STK3: variants seen among roughly 807,000 people sequenced by gnomAD.
STK3 encodes serine/threonine kinase 3.
Under a neutral mutation model 58.0 loss-of-function variants are expected in STK3, and 41 were observed. The observed-to-expected ratio is 0.71, with a 90% confidence interval of 0.55 to 0.92. The LOEUF is 0.92. STK3 is among the 40% of genes least tolerant of loss of function. The probability of loss-of-function intolerance (pLI) is 0.00; values close to 1 mark genes in which losing one functional copy is unlikely to be tolerated. For synonymous variants in STK3, 170 were observed against 191.0 expected, an observed-to-expected ratio of 0.89 and a Z score of 0.91; for missense variants, 479 against 602.7, an observed-to-expected ratio of 0.79 and a Z score of 2.15.
At chr8:98,390,969 T>C (rs79037909), upstream of STK3, among the ~76,000 whole-genome samples, 2,060 of 152,350 alleles carry the variant, frequency 0.014, 59 homozygotes, top group African/African-American at 0.048. Context: ...ACTTTTGGAT[T>C]ATTTTTATTA....
chr8:98,938,445 T>C (rs1476143043), intron 1 of STK3, among the ~76,000 whole-genome samples: 1 of 152,144 alleles, frequency 6.6e-6, no homozygotes, highest in African/African-American at 2.4e-5. Context: ...GGGAGACTAT[T>C]TTATACTCCC....
intron 1 of STK3, among the ~76,000 whole-genome samples, chr8:98,894,440 A>G (rs1309084389): frequency 1.3e-5 from 2 of 152,206 alleles, no homozygotes; most frequent in East Asian, 1.9e-4. Flanking sequence ...CTTCCACTAG[A>G]ACATAAACTG....
At chr8:98,701,586 T>A (rs1825619718) in intron 6 of STK3, among the ~76,000 whole-genome samples, 1 of 151,448 alleles carries the variant, frequency 6.6e-6, no homozygotes, top group Non-Finnish European at 1.5e-5. Flanking sequence ...ACTGCCACCG[T>A]ACTCCAGCCC....
chr8:98,794,316 C>A (rs553786943), intron 1 of STK3, among the ~76,000 whole-genome samples: 2 of 152,142 alleles, frequency 1.3e-5, no homozygotes, highest in Admixed American at 1.3e-4. Context: ...CAAATAAGCA[C>A]AATCAAAATG....
chr8:98,622,376 CAT>C (rs1373984911), intron 6 of STK3, among the ~76,000 whole-genome samples: 9 of 151,838 alleles, frequency 5.9e-5, no homozygotes, highest in Admixed American at 5.9e-4. Context: ...CATAAATAAA[CAT>C]AAGGATGTAT....
chr8:98,787,216 T>C (rs1253190102), intron 1 of STK3, among the ~76,000 whole-genome samples: 2 of 141,140 alleles, frequency 1.4e-5, no homozygotes, highest in African/African-American at 2.6e-5. Context: ...GGAAGAGATA[T>C]TTAATGAAAT....
chr8:98,873,294 G>A (rs1030224898), intron 3 of STK3, among the ~76,000 whole-genome samples: 1 of 152,208 alleles, frequency 6.6e-6, no homozygotes, highest in Non-Finnish European at 1.5e-5. Context: ...ATGATGTGGT[G>A]CTGAGAAGAA....
At chr8:98,427,045 T>C (rs1250229420) in intron 3 of STK3, 2 of 150,214 alleles carry the variant, frequency 1.3e-5, no homozygotes, top group Non-Finnish European at 3.0e-5. Context: ...CGGCGCGGGT[T>C]CCTGCCTCTC....
rs183474053 is a variant in STK3 at position 98,838,046 on chromosome 8, G to T, written c.110+45601C>A. Among the ~76,000 whole-genome samples the T allele has an allele frequency of 8.5e-3, 1,269 of 149,018 alleles. 11 individuals are homozygous for T. The highest frequency in any genetic ancestry group is 0.03 in the African/African-American group (1,194 of 40,128). ...GAGTTTGAGACCAACCTGGTCAACAGGGTGAAACCGTGTCTCTACTAAAAA... is the reference window on the plus strand; with the variant it reads ...GAGTTTGAGACCAACCTGGTCAACATGGTGAAACCGTGTCTCTACTAAAAA... On this transcript the variant is annotated intron_variant, in intron 3 of 12. Transcript: ENST00000523601.
chr8:98,529,504 G>A (rs1257719107), intron 9 of STK3, among the ~76,000 whole-genome samples: 2 of 152,032 alleles, frequency 1.3e-5, no homozygotes, highest in African/African-American at 4.8e-5. Flanking sequence ...TCAAAACAGA[G>A]GTTTTATTGA....
intron 10 of STK3, among the ~76,000 whole-genome samples, chr8:98,491,842 A>T (rs7815227): frequency 0.46 from 70,550 of 151,940 alleles, 16,543 homozygotes; most frequent in Admixed American, 0.56. Flanking sequence ...CAAAAAGAAA[A>T]CCTTTTATGT....
intron 3 of STK3, among the ~76,000 whole-genome samples, chr8:98,831,519 A>T (rs1050682799): frequency 6.6e-6 from 1 of 152,184 alleles, no homozygotes; most frequent in Non-Finnish European, 1.5e-5. Context: ...AGCCTCCCAT[A>T]GTGCTGGGAT....
At chr8:98,738,060 A>G (rs1027806268) in intron 4 of STK3, among the ~76,000 whole-genome samples, 1 of 152,240 alleles carries the variant, frequency 6.6e-6, no homozygotes, top group African/African-American at 2.4e-5. Flanking sequence ...AAAAAGAAGA[A>G]CTGAACACAA....
intron 10 of STK3, among the ~76,000 whole-genome samples, chr8:98,501,098 C>T (rs1300680176): frequency 6.6e-6 from 1 of 152,160 alleles, no homozygotes; most frequent in Non-Finnish European, 1.5e-5. Context: ...TAATGATCGC[C>T]ATTCTAACCG....
At chr8:98,498,309 G>A (rs897900251) in intron 10 of STK3, among the ~76,000 whole-genome samples, 2 of 152,092 alleles carry the variant, frequency 1.3e-5, no homozygotes, top group African/African-American at 4.8e-5. Context: ...TGCTGAGGCA[G>A]GAAGAGGAGA....
intron 3 of STK3, among the ~76,000 whole-genome samples, chr8:98,860,875 T>G (rs546545162): frequency 2.6e-5 from 4 of 152,054 alleles, no homozygotes; most frequent in Middle Eastern, 3.4e-3. Context: ...AGCAACATGG[T>G]GAAACCCCAT....
At chr8:98,726,009 C>G (rs1827769599) in intron 4 of STK3, among the ~76,000 whole-genome samples, 1 of 152,194 alleles carries the variant, frequency 6.6e-6, no homozygotes, top group South Asian at 2.1e-4. Context: ...AAAGGGCTTT[C>G]CACTAAACCA....
intron 6 of STK3, among the ~76,000 whole-genome samples, chr8:98,686,229 A>C (rs1823989565): frequency 6.6e-6 from 1 of 152,158 alleles, no homozygotes; most frequent in African/African-American, 2.4e-5. Context: ...AAGGAAATAA[A>C]GGAAAGGGAA....
intron 3 of STK3, among the ~76,000 whole-genome samples, chr8:98,420,545 A>G (rs1277428385): frequency 6.6e-6 from 1 of 152,188 alleles, no homozygotes; most frequent in African/African-American, 2.4e-5. Flanking sequence ...TATCCCCTGC[A>G]GATAAGGGGG....
Sources: allele counts gnomAD v4.1 joint callset (sites outside exome capture counted in the v4.1 genomes callset), GRCh38; gene constraint gnomAD v4.1.1; transcripts MANE v1.5; gene names NCBI Gene and HGNC (gene_info 2026-07-23, HGNC 2026-07-21).